The following GNPDA1 variants were observed in gnomAD, a reference collection of about 807,000 sequenced individuals.
GNPDA1 encodes glucosamine-6-phosphate deaminase 1, also known as GNPDA 1.
Under a neutral mutation model 28.5 loss-of-function variants are expected in GNPDA1, and 24 were observed. That is an observed-to-expected ratio of 0.84 (90% CI 0.61 to 1.19). GNPDA1 has a LOEUF of 1.19. GNPDA1 is among the 50% of genes most tolerant of loss of function. GNPDA1 has a pLI of 0.00. For missense variants in GNPDA1, 264 were observed against 367.3 expected (o/e 0.72, Z 2.30); for synonymous variants, 147 against 139.3 (o/e 1.06, Z -0.39).
chr5:142,010,562 G>A (rs1471321434), intron 2 of GNPDA1, among the ~76,000 whole-genome samples: 11 of 149,246 alleles, frequency 7.4e-5, no homozygotes, highest in South Asian at 2.1e-4. Context: ...CTAGGCTGGA[G>A]TGCAATTGCA....
intron 2 of GNPDA1, 139 bp downstream of exon 2, chr5:142,011,772 AG>A: frequency 1.2e-6 from 1 of 846,432 alleles, no homozygotes. Context: ...TGTATGTGGA[AG>A]GGGCAGGAAG....
At chr5:142,010,448 C>T (rs1455261267) in intron 2 of GNPDA1, among the ~76,000 whole-genome samples, 2 of 152,106 alleles carry the variant, frequency 1.3e-5, no homozygotes, top group Non-Finnish European at 1.5e-5. Context: ...CGTGAGCCAC[C>T]ACACCCGGCC....
chr5:142,012,760 C>T (rs1755994808), intron 1 of GNPDA1: 16 of 912,018 alleles, frequency 1.8e-5, no homozygotes, highest in Non-Finnish European at 2.1e-5. Context: ...TTTGTTCCCC[C>T]AGCACTGCGG....
intron 4 of GNPDA1, among the ~76,000 whole-genome samples, chr5:142,005,819 TC>T (rs1187891055): frequency 6.6e-6 from 1 of 152,104 alleles, no homozygotes; most frequent in African/African-American, 2.4e-5. Flanking sequence ...TGTGGAGCCT[TC>T]CGGAACTACA....
chr5:142,012,261 G>T (rs1381111970), intron 1 of GNPDA1: 2 of 410,228 alleles, frequency 4.9e-6, no homozygotes, highest in East Asian at 3.8e-5. Context: ...GGCAGATCTG[G>T]GTTCTAATCT....
Position 142,006,159 on chromosome 5 carries a change from C to A in GNPDA1, c.394G>T (p.Glu132Ter). ...EEKIKAAGGI[E>*]LFVGGIGPDG... ...TCAAGCTCACCTCCAACAAATAGCT[C>A]GATCCCACCTGCAGCCTTGATCTTC... The change falls in exon 4 of 7, where the codon GAG becomes TAG. Residue 132 changes from glutamate (E) to a stop codon, truncating the protein, a stop_gained. Transcript: ENST00000311337. LOFTEE classifies it high-confidence loss of function. The A allele has an allele frequency of 6.2e-7, 1 of 1,613,064 alleles. No individual in the cohort carries two copies. Among genetic ancestry groups the A allele is most frequent in the South Asian group, 1.1e-5 (1 of 90,952 alleles).
chr5:142,008,941 A>G (rs995819644), intron 2 of GNPDA1, among the ~76,000 whole-genome samples: 2 of 152,166 alleles, frequency 1.3e-5, no homozygotes, highest in Non-Finnish European at 2.9e-5. Flanking sequence ...TTTCTTAGGT[A>G]TGATGGTATC....
At chr5:142,011,874 ACCC>A in intron 2 of GNPDA1, 35 bp downstream of exon 2, 1 of 1,612,206 alleles carries the variant, frequency 6.2e-7, no homozygotes, top group Non-Finnish European at 8.5e-7. Flanking sequence ...TACTCTCTCC[ACCC>A]TTATCCACGG....
At position 142,001,460 on chromosome 5, in the gene GNPDA1, A is replaced by G. The variant is rs1755676344; in HGVS notation, c.*569T>C. ...CCCCCAGGTTCTCCTAGTTCAGAGAAAAGCTGTGAAAGTGGAAGAAGGAAG... is the reference window on the plus strand; with the variant it reads ...CCCCCAGGTTCTCCTAGTTCAGAGAGAAGCTGTGAAAGTGGAAGAAGGAAG... On this transcript the variant is annotated 3_prime_UTR_variant, in exon 7 of 7. Coordinates refer to ENST00000311337, the MANE Select transcript of GNPDA1 (RefSeq NM_005471.5). The G allele has an allele frequency of 6.6e-6, 1 of 152,448 alleles. No individual in the cohort carries two copies. Among genetic ancestry groups the G allele is most frequent in the African/African-American group, 2.4e-5 (1 of 41,570 alleles). The allele number at this position is 152,448 out of a possible 1,614,324, so 9.4% of individuals were successfully genotyped here.
chr5:142,010,996 G>A (rs1439724416), intron 2 of GNPDA1, among the ~76,000 whole-genome samples: 1 of 151,748 alleles, frequency 6.6e-6, no homozygotes, highest in Non-Finnish European at 1.5e-5. Context: ...CACCCAGACT[G>A]GAGTACAGTG....
At position 142,005,084 on chromosome 5, in the gene GNPDA1, C is replaced by G. The variant is rs1156777981; in HGVS notation, c.442G>C (p.Glu148Gln). 1 of 1,610,742 alleles carries G rather than the reference C, an allele frequency of 6.2e-7. No individual in the cohort carries two copies. The highest frequency in any genetic ancestry group is 1.1e-5 in the South Asian group (1 of 90,954). Reference protein sequence around the residue: ...IGPDGHIAFNEPGSSLVSRTR... With the variant: ...IGPDGHIAFNQPGSSLVSRTR... ...CTGGACACCAGACTGGAGCCTGGCT[C>G]GTTGAAGGCAATGTGTCCATCAGGG... The change falls in exon 5 of 7, where the codon GAG becomes CAG. Residue 148 changes from glutamate (E) to glutamine (Q), a missense_variant. Physicochemically the swap from Glu to Gln is conservative, Grantham distance 29. Coordinates refer to ENST00000311337, the MANE Select transcript of GNPDA1 (RefSeq NM_005471.5).
chr5:142,001,857 A>G lies in GNPDA1; in HGVS notation c.*172T>C. On this transcript the variant is annotated 3_prime_UTR_variant, in exon 7 of 7. Transcript: ENST00000311337. ...TGATTAAGTTACAAACATTCTCCCTATAGCTAAACTCCGTGACTAGGCTCC... is the reference window on the plus strand; with the variant it reads ...TGATTAAGTTACAAACATTCTCCCTGTAGCTAAACTCCGTGACTAGGCTCC... 1 of 438,810 alleles carries G rather than the reference A, an allele frequency of 2.3e-6. No homozygotes were observed. Among genetic ancestry groups the G allele is most frequent in the Non-Finnish European group, 4.1e-6 (1 of 246,508 alleles). 27.2% of individuals were successfully genotyped at this position (438,810 alleles called of 1,614,324 possible). A position where few individuals can be genotyped will look rare whatever the true frequency, so the allele number is the denominator to read the frequency against.
rs750315322 is a variant in GNPDA1, at chr5:142,005,066, C to T, written c.460G>A (p.Val154Met). Residue 154 changes from valine (V) to methionine (M), a missense_variant, in exon 5 of 7, where the codon GTG becomes ATG. Physicochemically the swap from Val to Met is conservative, Grantham distance 21. Transcript: ENST00000311337. ...IAFNEPGSSLVSRTRVKTLAM... is the reference protein window; with the variant it reads ...IAFNEPGSSLMSRTRVKTLAM... ...AGCGTCTTCACACGGGTCCTGGACACCAGACTGGAGCCTGGCTCGTTGAAG... is the reference window on the plus strand; with the variant it reads ...AGCGTCTTCACACGGGTCCTGGACATCAGACTGGAGCCTGGCTCGTTGAAG... The T allele has an allele frequency of 9.3e-6, 15 of 1,612,700 alleles. No individual in the cohort carries two copies. The Admixed American group carries it at 1.5e-4, about 16-fold the overall frequency.
intron 4 of GNPDA1, 73 bp downstream of exon 4, chr5:142,006,071 A>G: frequency 8.0e-7 from 1 of 1,252,718 alleles, no homozygotes; most frequent in East Asian, 2.4e-5. Context: ...CTGTCTGCAG[A>G]CAGGCATTGT....
chr5:142,005,928 C>G, intron 4 of GNPDA1: 1 of 470,150 alleles, frequency 2.1e-6, no homozygotes. Flanking sequence ...AAACCCAAAC[C>G]TCTCAGTTTA....
intron 3 of GNPDA1, among the ~76,000 whole-genome samples, chr5:142,007,071 T>G (rs1042251077): frequency 6.6e-6 from 1 of 152,226 alleles, no homozygotes; most frequent in South Asian, 2.1e-4. Context: ...TTTCCGTGGC[T>G]GGTGAAGTGG....
intron 3 of GNPDA1, among the ~76,000 whole-genome samples, chr5:142,006,599 T>C (rs1020877693): frequency 2.0e-5 from 3 of 152,222 alleles, no homozygotes; most frequent in Non-Finnish European, 4.4e-5. Flanking sequence ...CATTCTGATC[T>C]GATCTGCTTT....
At chr5:142,009,755 T>C (rs997556607) in intron 2 of GNPDA1, among the ~76,000 whole-genome samples, 6 of 152,162 alleles carry the variant, frequency 3.9e-5, no homozygotes, top group South Asian at 2.1e-4. Flanking sequence ...ATAAACTCCT[T>C]TTCTGCTTAA....
Position 142,007,905 on chromosome 5 carries a change from A to C in GNPDA1, c.125-5T>G. ...AGCAGCCAAGTGGGGTACTCCCTGC[A>C]AGAGTGGCCACACCCATGAACACCC... is the stretch of plus-strand genomic sequence containing the variant. On this transcript the variant is annotated splice_polypyrimidine_tract_variant and splice_region_variant and intron_variant, in intron 2 of 6. Coordinates refer to ENST00000311337, the MANE Select transcript of GNPDA1 (RefSeq NM_005471.5). 6.4e-7 allele frequency: 1 copy of C among 1,554,382 alleles called. No homozygotes were observed. The highest frequency in any genetic ancestry group is 2.2e-5 in the East Asian group (1 of 44,622).
Sources: allele counts gnomAD v4.1 joint callset (sites outside exome capture counted in the v4.1 genomes callset), GRCh38; gene constraint gnomAD v4.1.1; transcripts MANE v1.5; gene names NCBI Gene and HGNC (gene_info 2026-07-23, HGNC 2026-07-21).